Variants in BANK1 observed in about 807,000 individuals in gnomAD.
BANK1 encodes the protein B cell scaffold protein with ankyrin repeats 1, also known as B-cell scaffold protein with ankyrin repeats.
A neutral mutation model predicts 94.5 loss-of-function variants in BANK1; 95 were observed. That is an observed-to-expected ratio of 1.00 (90% CI 0.85 to 1.19). BANK1 has a LOEUF of 1.19. BANK1 is among the 50% of genes most tolerant of loss of function. BANK1 has a pLI of 0.00. For synonymous variants in BANK1, 334 were observed against 308.4 expected (o/e 1.08, Z -0.87); for missense variants, 987 against 932.2 (o/e 1.06, Z -0.77).
In BANK1 at chr4:101,937,414, C is replaced by T. The variant is rs928630687; in HGVS notation, c.1206+19225C>T. On this transcript the variant is annotated intron_variant, in intron 7 of 16. Coordinates refer to ENST00000322953, the MANE Select transcript of BANK1 (RefSeq NM_017935.5). ...AGAATAAAAAAACAAACAACTCCATCGAAAAGTGGACAAAGGATATGAACA... is the reference window on the plus strand; with the variant it reads ...AGAATAAAAAAACAAACAACTCCATTGAAAAGTGGACAAAGGATATGAACA... 2.6e-5 allele frequency among the ~76,000 whole-genome samples: 4 copies of T among 151,736 alleles called. 1 individual carries two copies. The highest frequency in any genetic ancestry group is 5.9e-5 in the Non-Finnish European group (4 of 67,846).
intron 6 of BANK1, among the ~76,000 whole-genome samples, chr4:101,910,480 G>A (rs1722627710): frequency 6.6e-6 from 1 of 151,830 alleles, no homozygotes; most frequent in African/African-American, 2.4e-5. Context: ...TCGGGAGTTC[G>A]AGACCAGCCT....
chr4:101,970,527 C>G (rs1383760700), intron 7 of BANK1, among the ~76,000 whole-genome samples: 1 of 152,074 alleles, frequency 6.6e-6, no homozygotes, highest in Non-Finnish European at 1.5e-5. Flanking sequence ...GAGGAAGCAA[C>G]AACAACCAAA....
At chr4:101,853,951 C>T (rs1727588247) in intron 2 of BANK1, among the ~76,000 whole-genome samples, 1 of 152,186 alleles carries the variant, frequency 6.6e-6, no homozygotes. Context: ...GACATGATTA[C>T]AACGTGGTCT....
intron 6 of BANK1, among the ~76,000 whole-genome samples, chr4:101,896,106 T>C (rs894464961): frequency 1.3e-5 from 2 of 151,960 alleles, no homozygotes; most frequent in African/African-American, 4.8e-5. Context: ...GTTAAAAATA[T>C]ACAAATATCA....
intron 10 of BANK1, among the ~76,000 whole-genome samples, chr4:102,031,932 A>G (rs1727330708): frequency 1.3e-5 from 2 of 148,892 alleles, no homozygotes; most frequent in Non-Finnish European, 3.0e-5. Context: ...GATATTGTTC[A>G]AGAAACTATA....
At chr4:102,050,940 A>G (rs1445540886) in intron 11 of BANK1, among the ~76,000 whole-genome samples, 1 of 152,188 alleles carries the variant, frequency 6.6e-6, no homozygotes, top group Non-Finnish European at 1.5e-5. Flanking sequence ...AACCCCTAGT[A>G]TAGTCCCTGC....
At chr4:101,819,935 A>G (rs1726075816) in intron 1 of BANK1, among the ~76,000 whole-genome samples, 1 of 152,202 alleles carries the variant, frequency 6.6e-6, no homozygotes, top group South Asian at 2.1e-4. Context: ...GAGGAGAAGG[A>G]TAAGGAGGAG....
intron 7 of BANK1, among the ~76,000 whole-genome samples, chr4:101,993,615 A>G (rs1725780263): frequency 6.6e-6 from 1 of 152,202 alleles, no homozygotes; most frequent in Admixed American, 6.6e-5. Context: ...ACTTTATGGT[A>G]TGATATTTTA....
intron 4 of BANK1, 117 bp downstream of exon 4, chr4:101,862,781 T>G: frequency 8.9e-7 from 1 of 1,127,198 alleles, no homozygotes; most frequent in Non-Finnish European, 1.2e-6. Context: ...AGGTGTTTCC[T>G]GTGTTTAGTT....
intron 5 of BANK1, among the ~76,000 whole-genome samples, chr4:101,883,869 C>G (rs1728760392): frequency 6.6e-6 from 1 of 152,164 alleles, no homozygotes; most frequent in South Asian, 2.1e-4. Flanking sequence ...TAGGAACAAA[C>G]CTCAAATCAT....
intron 5 of BANK1, among the ~76,000 whole-genome samples, chr4:101,886,099 A>G (rs1286159976): frequency 2.0e-5 from 3 of 152,256 alleles, no homozygotes; most frequent in Non-Finnish European, 4.4e-5. Flanking sequence ...ATTCTTATGC[A>G]TTACAAGGCT....
chr4:101,843,232 A>C (rs1727125332), intron 2 of BANK1, among the ~76,000 whole-genome samples: 1 of 152,122 alleles, frequency 6.6e-6, no homozygotes, highest in African/African-American at 2.4e-5. Context: ...AGTAAGGTTT[A>C]GTTTCACTTT....
intron 10 of BANK1, among the ~76,000 whole-genome samples, chr4:102,036,297 C>T (rs1231880997): frequency 6.6e-6 from 1 of 152,168 alleles, no homozygotes; most frequent in Non-Finnish European, 1.5e-5. Context: ...ACTTGCAATT[C>T]ACTTGTACTT....
rs1560681817 is a variant in BANK1 at position 102,007,064 on chromosome 4, A to ATTT, written c.1207-14450_1207-14449insTTT. Among the ~76,000 whole-genome samples, 605 of 111,228 alleles carry ATTT rather than the reference A, an allele frequency of 5.4e-3. 5 individuals carry two copies. The highest frequency in any genetic ancestry group is 0.019 in the African/African-American group (576 of 29,556). The allele number at this position is 111,228 out of a possible 152,430, so 73.0% of individuals were successfully genotyped here. ...AAATATATATATATATAAAATATAT[A>ATTT]ATTTTATATATATATAAATATATAT... On this transcript the variant is annotated intron_variant, in intron 7 of 16. Coordinates refer to ENST00000322953, the MANE Select transcript of BANK1 (RefSeq NM_017935.5).
At chr4:101,879,416 C>T (rs1406520645) in intron 5 of BANK1, among the ~76,000 whole-genome samples, 1 of 151,902 alleles carries the variant, frequency 6.6e-6, no homozygotes, top group African/African-American at 2.4e-5. Context: ...AAAACCAAAA[C>T]CTTAACAGAC....
At chr4:101,998,571 G>A (rs971177775) in intron 7 of BANK1, among the ~76,000 whole-genome samples, 3 of 152,160 alleles carry the variant, frequency 2.0e-5, no homozygotes, top group Admixed American at 6.6e-5. Context: ...AGGTTTCTAA[G>A]AACTTGTTTT....
At chr4:102,064,546 C>T (rs1351603839) in intron 13 of BANK1, among the ~76,000 whole-genome samples, 1 of 152,082 alleles carries the variant, frequency 6.6e-6, no homozygotes, top group Admixed American at 6.6e-5. Flanking sequence ...TTAAAGGACA[C>T]ATATTAAGTG....
chr4:101,827,825 A>G lies in BANK1; in HGVS notation c.71-1983A>G, dbSNP rs146228133. On this transcript the variant is annotated intron_variant, in intron 1 of 16. Coordinates refer to ENST00000322953, the MANE Select transcript of BANK1 (RefSeq NM_017935.5). The stretch of plus-strand genomic sequence containing the variant: ...CACACTTCTAAGAACCTTAAAAGCC[A>G]TAGTTTTTTCAAAGTTTCTTTTTTT... 3.4e-4 allele frequency among the ~76,000 whole-genome samples: 52 copies of G among 152,042 alleles called. No individual in the cohort carries two copies. In the East Asian group the frequency reaches 0.01, roughly 29 times the overall value.
At chr4:101,966,561 C>T (rs2148921260) in intron 7 of BANK1, among the ~76,000 whole-genome samples, 1 of 152,124 alleles carries the variant, frequency 6.6e-6, no homozygotes, top group South Asian at 2.1e-4. Context: ...ATTTGTTTAT[C>T]AAGGACTTAT....
Sources: allele counts gnomAD v4.1 joint callset (sites outside exome capture counted in the v4.1 genomes callset), GRCh38; gene constraint gnomAD v4.1.1; transcripts MANE v1.5; gene names NCBI Gene and HGNC (gene_info 2026-07-23, HGNC 2026-07-21).